Variants in EPHA10 observed in about 807,000 individuals in gnomAD.
EPHA10 encodes EPH receptor A10.
EPHA10 carries 120 observed loss-of-function variants against 109.7 expected under a neutral mutation model. The ratio of observed to expected loss-of-function variants is 1.09; its 90% CI spans 0.94 to 1.27. EPHA10 has a LOEUF of 1.27. Ranked by LOEUF, EPHA10 falls within the 50% of genes most tolerant of loss-of-function variation. The pLI, the probability that EPHA10 is intolerant of heterozygous loss-of-function variation, is 0.00. For synonymous variants in EPHA10, 640 were observed against 618.9 expected, an observed-to-expected ratio of 1.03 and a Z score of -0.51; for missense variants, 1,396 against 1,411.1, an observed-to-expected ratio of 0.99 and a Z score of 0.17.
In EPHA10 at chr1:37,751,599, C is replaced by T. The variant is rs12568688; in HGVS notation, c.1357+1277G>A. Among the ~76,000 whole-genome samples the T allele has an allele frequency of 1.7e-3, 256 of 148,318 alleles. 3 individuals are homozygous for T. The East Asian group carries it at 0.025, about 15-fold the overall frequency. ...AAAAAAAAGAAAGTCTGGCTAGGCG[C>T]GCAGTGGCTCACGTCTGTAATCCCA... On this transcript the variant is annotated intron_variant, in intron 5 of 16. Coordinates refer to ENST00000373048, the MANE Select transcript of EPHA10 (RefSeq NM_001099439.2).
At chr1:37,760,169 AT>A (rs1209179433) in intron 3 of EPHA10, 5 of 591,212 alleles carry the variant, frequency 8.5e-6, no homozygotes, top group Non-Finnish European at 8.7e-6. Flanking sequence ...CCCTCTTGTG[AT>A]TTTTAAATTT....
chr1:37,748,423 AG>A (rs1169613620), intron 5 of EPHA10, among the ~76,000 whole-genome samples: 1 of 152,218 alleles, frequency 6.6e-6, no homozygotes, highest in Non-Finnish European at 1.5e-5. Context: ...AAAGTTTCCC[AG>A]GCAGTTTTTT....
intron 5 of EPHA10, among the ~76,000 whole-genome samples, chr1:37,740,527 C>G (rs1404812277): frequency 2.0e-5 from 3 of 152,152 alleles, no homozygotes; most frequent in East Asian, 3.9e-4. Context: ...GGATGGTCTC[C>G]ATCTCCTGAC....
At chr1:37,745,686 TA>T (rs1194530505) in intron 5 of EPHA10, among the ~76,000 whole-genome samples, 1 of 152,028 alleles carries the variant, frequency 6.6e-6, no homozygotes, top group Non-Finnish European at 1.5e-5. Flanking sequence ...CTGTCTCTGC[TA>T]AAAAATACAA....
rs758055639 is a variant in EPHA10, at chr1:37,731,498, CG to C, written c.1575del (p.Tyr525Ter). The C allele has an allele frequency of 1.2e-6, 2 of 1,614,104 alleles. No individual in the cohort carries two copies. Among genetic ancestry groups the C allele is most frequent in the Non-Finnish European group, 1.7e-6 (2 of 1,180,002 alleles). ...TVTNLKPATRYVFQIRAASPG... is the reference protein window; with the variant it reads ...TVTNLKPATRXVFQIRAASPG... ...GGGGAAGCGGCCCGGATCTGAAAGA[CG>C]TAGCGGGTAGCCGGCTTCAGGTTGG... On this transcript the variant is annotated frameshift_variant, in exon 7 of 17. Transcript: ENST00000373048. LOFTEE classifies it high-confidence loss of function.
At chr1:37,730,243 C>T (rs1292030910) in intron 7 of EPHA10, among the ~76,000 whole-genome samples, 4 of 152,218 alleles carry the variant, frequency 2.6e-5, no homozygotes, top group African/African-American at 9.7e-5. Flanking sequence ...CTTCCCAGAA[C>T]TCAGACCCCT....
chr1:37,753,201 C>A lies in EPHA10; in HGVS notation c.1032G>T (p.Leu344=). The part of the protein sequence containing the change: ...CTRPPSAPRD[L]QYSLSRSPLV... ...GCGGCGAGCGGCTCAGGCTGTACTG[C>A]AGGTCCCGCGGCGCCGACGGCGGCC... is the stretch of plus-strand genomic sequence containing the variant. Residue 344 remains leucine, a synonymous_variant, in exon 5 of 17, where the codon CTG becomes CTT. Coordinates refer to ENST00000373048, the MANE Select transcript of EPHA10 (RefSeq NM_001099439.2). 1 of 1,353,030 alleles carries A rather than the reference C, an allele frequency of 7.4e-7. No individual in the cohort carries two copies. Among genetic ancestry groups the A allele is most frequent in the Non-Finnish European group, 9.5e-7 (1 of 1,057,386 alleles). The allele number at this position is 1,353,030 out of a possible 1,614,324, so 83.8% of individuals were successfully genotyped here. A position where few individuals can be genotyped will look rare whatever the true frequency, so the allele number is the denominator to read the frequency against.
chr1:37,720,908 TC>T (rs898548037), intron 11 of EPHA10, 64 bp from the exon 12 acceptor site: 21 of 1,555,028 alleles, frequency 1.4e-5, no homozygotes, highest in East Asian at 2.3e-5. Flanking sequence ...CACACAAGTT[TC>T]CCCCCCAGGG....
Position 37,739,003 on chromosome 1 carries a change from G to A in EPHA10, c.1358-3613C>T, listed in dbSNP as rs115981232. Among the ~76,000 whole-genome samples the A allele has an allele frequency of 7.4e-3, 1,125 of 152,250 alleles. 18 individuals are homozygous for A. The highest frequency in any genetic ancestry group is 0.026 in the African/African-American group (1,071 of 41,532). ...ACATCACACACCGGGGCCTGTCGCGGGGTGGAGGGTAGGGGGAGGGATAGC... is the reference window on the plus strand; with the variant it reads ...ACATCACACACCGGGGCCTGTCGCGAGGTGGAGGGTAGGGGGAGGGATAGC... On this transcript the variant is annotated intron_variant, in intron 5 of 16. Coordinates refer to ENST00000373048, the MANE Select transcript of EPHA10 (RefSeq NM_001099439.2).
chr1:37,729,740 G>T (rs936377509), intron 7 of EPHA10, among the ~76,000 whole-genome samples: 1 of 152,042 alleles, frequency 6.6e-6, no homozygotes, highest in Admixed American at 6.6e-5. Context: ...GGTCATGGTG[G>T]CAAGCGCCTG....
At chr1:37,742,995 C>CTAA (rs1014999935) in intron 5 of EPHA10, among the ~76,000 whole-genome samples, 1 of 151,396 alleles carries the variant, frequency 6.6e-6, no homozygotes. Context: ...GACCTTGTCT[C>CTAA]TAATAATAAT....
chr1:37,753,746 C>A (rs1032406531), intron 4 of EPHA10, among the ~76,000 whole-genome samples: 1 of 140,072 alleles, frequency 7.1e-6, no homozygotes, highest in Non-Finnish European at 1.6e-5. Flanking sequence ...GGGCTTGCCC[C>A]GGGAAGGGTC....
At position 37,718,813 on chromosome 1, in the gene EPHA10, A is replaced by G; in HGVS notation, c.2760T>C (p.Pro920=). The G allele has an allele frequency of 6.2e-7, 1 of 1,610,036 alleles. No homozygotes were observed. The highest frequency in any genetic ancestry group is 1.1e-5 in the South Asian group (1 of 90,650). ...PKCALTTCPR[P]PTPLADRAFS... Reference sequence around the variant, plus strand: ...AGGCACGGTCCGCTAGTGGGGTGGGAGGCCTGCGGGTCAGAGGAGCTGTGC... The same window carrying G: ...AGGCACGGTCCGCTAGTGGGGTGGGGGGCCTGCGGGTCAGAGGAGCTGTGC... Residue 920 remains proline, a synonymous_variant, in exon 16 of 17, where the codon CCT becomes CCC. Transcript: ENST00000373048.
intron 5 of EPHA10, among the ~76,000 whole-genome samples, chr1:37,748,523 C>T (rs1412875496): frequency 6.6e-6 from 1 of 152,144 alleles, no homozygotes; most frequent in Non-Finnish European, 1.5e-5. Context: ...TTACCAAAGC[C>T]AGCATCCCCA....
chr1:37,746,387 A>C (rs1192398877), intron 5 of EPHA10, among the ~76,000 whole-genome samples: 1 of 151,790 alleles, frequency 6.6e-6, no homozygotes, highest in Non-Finnish European at 1.5e-5. Flanking sequence ...GTGAGCCACC[A>C]CACCGGGTAG....
intron 9 of EPHA10, 30 bp downstream of exon 9, chr1:37,723,280 GC>G (rs774770427): frequency 4.3e-6 from 7 of 1,611,644 alleles, no homozygotes; most frequent in Non-Finnish European, 5.1e-6. Context: ...GGTGGAGCCC[GC>G]CCCTCCCCAG....
chr1:37,746,101 C>CTTTTTT (rs111763214), intron 5 of EPHA10, among the ~76,000 whole-genome samples: 6 of 127,436 alleles, frequency 4.7e-5, no homozygotes, highest in African/African-American at 8.9e-5. Flanking sequence ...CTTTTCTTTT[C>CTTTTTT]TTTTTTTTTT....
At position 37,723,039 on chromosome 1, in the gene EPHA10, G is replaced by A; in HGVS notation, c.1960+2C>T. 1.2e-6 allele frequency: 2 copies of A among 1,614,102 alleles called. No homozygotes were observed. The highest frequency in any genetic ancestry group is 4.5e-5 in the East Asian group (2 of 44,878). ...ACAAGGCTTCCTGGGCGCCCAGCTT[G>A]CCTCCTCCAAGGCTCCTCTCCAGCG... On this transcript the variant is annotated splice_donor_variant, in intron 10 of 16. Coordinates refer to ENST00000373048, the MANE Select transcript of EPHA10 (RefSeq NM_001099439.2). LOFTEE classifies it low-confidence loss of function (GC_TO_GT_DONOR).
At chr1:37,724,741 G>T (rs991027616) in intron 8 of EPHA10, among the ~76,000 whole-genome samples, 2 of 152,188 alleles carry the variant, frequency 1.3e-5, no homozygotes, top group South Asian at 2.1e-4. Flanking sequence ...TGTCACACAG[G>T]GGGAAGCGGC....
Sources: allele counts gnomAD v4.1 joint callset (sites outside exome capture counted in the v4.1 genomes callset), GRCh38; gene constraint gnomAD v4.1.1; transcripts MANE v1.5; gene names NCBI Gene and HGNC (gene_info 2026-07-23, HGNC 2026-07-21).